MYO10: variants seen among roughly 807,000 people sequenced by gnomAD.
MYO10 encodes the protein unconventional myosin-X.
In MYO10, 133 loss-of-function variants were observed where a neutral mutation model predicts 257.3. The ratio of observed to expected loss-of-function variants is 0.52; its 90% confidence interval spans 0.45 to 0.60. The LOEUF (loss-of-function observed/expected upper bound fraction) is 0.60, where lower values mean the gene tolerates loss of function less well. Ranked by LOEUF, MYO10 falls within the 20% of genes least tolerant of loss-of-function variation. The pLI is 0.00. For synonymous variants in MYO10, 1,104 were observed against 1,028.6 expected (o/e 1.07, Z -1.40); for missense variants, 2,399 against 2,635.7 (o/e 0.91, Z 1.97).
intron 31 of MYO10, among the ~76,000 whole-genome samples, 172 bp downstream of exon 31, chr5:16,681,699 C>T (rs1427036192): frequency 2.0e-5 from 3 of 152,212 alleles, no homozygotes; most frequent in Non-Finnish European, 2.9e-5. Flanking sequence ...CAACAAAAAA[C>T]ATGACCCTCT....
intron 27 of MYO10, among the ~76,000 whole-genome samples, chr5:16,693,523 T>G (rs1040234672): frequency 6.6e-6 from 1 of 152,260 alleles, no homozygotes; most frequent in African/African-American, 2.4e-5. Context: ...CATTTAACTT[T>G]CCACTTTACA....
intron 3 of MYO10, among the ~76,000 whole-genome samples, chr5:16,805,577 C>A (rs1251034655): frequency 6.6e-6 from 1 of 152,070 alleles, no homozygotes; most frequent in African/African-American, 2.4e-5. Context: ...TACCGCTCCA[C>A]AAACGGCCAT....
At position 16,826,935 on chromosome 5, in the gene MYO10, A is replaced by G. The variant is rs531750001; in HGVS notation, c.121-8768T>C. Among the ~76,000 whole-genome samples the G allele has an allele frequency of 1.3e-3, 205 of 152,288 alleles. 1 individual carries two copies. Among genetic ancestry groups the G allele is most frequent in the African/African-American group, 4.7e-3 (197 of 41,558 alleles). The stretch of plus-strand genomic sequence containing the variant: ...CAGCTTCACTGACCCTGTGCTTTCA[A>G]TGACTGGTGTATGCGTGCTTAAGCT... On this transcript the variant is annotated intron_variant, in intron 2 of 40. Transcript: ENST00000513610.
chr5:16,907,708 A>G (rs1745554525), intron 1 of MYO10, among the ~76,000 whole-genome samples: 1 of 152,202 alleles, frequency 6.6e-6, no homozygotes, highest in Admixed American at 6.5e-5. Flanking sequence ...AGGGCAAGCA[A>G]AGTGTATTTA....
At chr5:16,679,055 C>T (rs957315991) in intron 33 of MYO10, among the ~76,000 whole-genome samples, 4 of 152,204 alleles carry the variant, frequency 2.6e-5, no homozygotes, top group Non-Finnish European at 4.4e-5. Flanking sequence ...ATTTACTGAG[C>T]GACTACACGT....
At chr5:16,899,210 C>A (rs1745307076) in intron 1 of MYO10, among the ~76,000 whole-genome samples, 1 of 151,404 alleles carries the variant, frequency 6.6e-6, no homozygotes, top group Non-Finnish European at 1.5e-5. Flanking sequence ...ATTATGTTTG[C>A]TTTTCCTCAT....
At chr5:16,924,888 T>A (rs1017718336) in intron 1 of MYO10, among the ~76,000 whole-genome samples, 1 of 146,394 alleles carries the variant, frequency 6.8e-6, no homozygotes, top group African/African-American at 2.5e-5. Context: ...TGGAGTGCAG[T>A]GGCACGATCT....
chr5:16,747,378 G>A (rs73053021), intron 19 of MYO10, among the ~76,000 whole-genome samples: 11,450 of 149,186 alleles, frequency 0.077, 1,449 homozygotes, highest in African/African-American at 0.28. Context: ...TTTATCTTTC[G>A]CACAGTTGAG....
intron 3 of MYO10, among the ~76,000 whole-genome samples, chr5:16,816,880 C>T (rs967909916): frequency 1.0e-4 from 15 of 147,284 alleles, no homozygotes; most frequent in Admixed American, 4.7e-4. Context: ...AGTGCAGTGG[C>T]GCGATCTTGG....
chr5:16,700,777 C>G (rs1738009440), intron 25 of MYO10, among the ~76,000 whole-genome samples, 186 bp downstream of exon 25: 1 of 152,210 alleles, frequency 6.6e-6, no homozygotes, highest in Admixed American at 6.5e-5. Context: ...ACAGGCACAT[C>G]AAAGTTCTAC....
rs1561193741 is a variant in MYO10, at chr5:16,701,541, C to T, written c.2854G>A (p.Glu952Lys). 5.6e-6 allele frequency: 9 copies of T among 1,613,952 alleles called. No individual in the cohort carries two copies. The highest frequency in any genetic ancestry group is 7.6e-6 in the Non-Finnish European group (9 of 1,179,892). ...GACCGCTCGATATTCCGGACACACT[C>T]GTCGATCTCGTCGAAATTGAGGGAC... is the stretch of plus-strand genomic sequence containing the variant. ...LESLNFDEID[E>K]CVRNIERSLS... Residue 952 changes from glutamate to lysine, a missense_variant, in exon 25 of 41, where the codon GAG becomes AAG. Physicochemically the swap from Glu to Lys is moderately conservative, Grantham distance 56. Around this residue, in one of 3 missense-constraint regions of MYO10, gnomAD observed 1,820 missense variants for 1,939.4 expected, o/e 0.94. Coordinates refer to ENST00000513610, the MANE Select transcript of MYO10 (RefSeq NM_012334.3). The surrounding 1 kb of genome is among the most constrained non-coding windows in gnomAD (Gnocchi z 8.1).
chr5:16,836,005 C>T (rs2126722451), intron 2 of MYO10, among the ~76,000 whole-genome samples: 1 of 152,114 alleles, frequency 6.6e-6, no homozygotes, highest in South Asian at 2.1e-4. Flanking sequence ...CAGCTTGTAC[C>T]AGAAATCTGG....
intron 34 of MYO10, among the ~76,000 whole-genome samples, chr5:16,675,728 ACT>A (rs1194555262): frequency 2.6e-5 from 4 of 151,932 alleles, no homozygotes; most frequent in Non-Finnish European, 4.4e-5. Context: ...ACAGAGTAAG[ACT>A]CTGTCTCAAA....
At chr5:16,857,910 A>C (rs1744004684) in intron 2 of MYO10, among the ~76,000 whole-genome samples, 1 of 152,234 alleles carries the variant, frequency 6.6e-6, no homozygotes. Context: ...GTGTAACCAG[A>C]ACTGGGAACC....
At chr5:16,719,989 C>CATGTGTGT (rs1554039263) in intron 19 of MYO10, among the ~76,000 whole-genome samples, 4 of 143,442 alleles carry the variant, frequency 2.8e-5, no homozygotes, top group Non-Finnish European at 6.1e-5. Context: ...TGTGTGCGTG[C>CATGTGTGT]GTGTGTGTGT....
At chr5:16,796,607 TG>T (rs1219496335) in intron 3 of MYO10, among the ~76,000 whole-genome samples, 8 of 152,206 alleles carry the variant, frequency 5.3e-5, no homozygotes, top group African/African-American at 1.9e-4. Flanking sequence ...ATACTAACTC[TG>T]ATTACCTGGC....
chr5:16,827,295 G>GT (rs1189659340), intron 2 of MYO10, among the ~76,000 whole-genome samples: 2 of 151,714 alleles, frequency 1.3e-5, no homozygotes, highest in Non-Finnish European at 1.5e-5. Context: ...ATCTTTTTTT[G>GT]TTTTTTTGGA....
At chr5:16,780,207 C>A (rs11133858) in intron 8 of MYO10, among the ~76,000 whole-genome samples, 115,556 of 151,596 alleles carry the variant, frequency 0.76, 44,294 homozygotes, top group Non-Finnish European at 0.81. Flanking sequence ...AGCCAAAAAT[C>A]AAATATTTAG....
At chr5:16,800,293 C>G (rs960369576) in intron 3 of MYO10, among the ~76,000 whole-genome samples, 1 of 152,114 alleles carries the variant, frequency 6.6e-6, no homozygotes. Context: ...TACGGTGGGT[C>G]ATGACTATAA....
Sources: gnomAD v4.1 joint callset for allele counts (sites outside exome capture counted in the v4.1 genomes callset) on GRCh38, gnomAD v4.1.1 for gene constraint, gnomAD v4.1.1 regional missense constraint, Gnocchi (gnomAD v3.1) non-coding constraint, MANE v1.5 for transcripts, NCBI Gene and HGNC (gene_info 2026-07-23, HGNC 2026-07-21) for gene names.